Variants in FAAH2 observed in about 807,000 individuals in gnomAD.
The protein encoded by FAAH2 is fatty-acid amide hydrolase 2.
FAAH2 carries 60 observed loss-of-function variants against 36.9 expected under a neutral mutation model. That is an observed-to-expected ratio of 1.63 (90% CI 1.32 to 2.02). The LOEUF is 2.02. Among genes scored for constraint, FAAH2 ranks in the 30% most tolerant of loss-of-function variants. The pLI is 0.00. For synonymous variants in FAAH2, 214 were observed against 143.8 expected, an observed-to-expected ratio of 1.49 and a Z score of -3.49; for missense variants, 689 against 397.5, an observed-to-expected ratio of 1.73 and a Z score of -6.23.
At chrX:57,373,694 C>G (rs1021497730) in intron 5 of FAAH2, among the ~76,000 whole-genome samples, 1 of 111,471 alleles carries the variant, frequency 9.0e-6, no homozygotes, top group African/African-American at 3.3e-5. Context: ...TCTGCTGTTT[C>G]TTTTGCCATG....
chrX:57,446,970 C>T lies in FAAH2; in HGVS notation c.1159C>T (p.His387Tyr). The T allele has an allele frequency of 8.3e-7, 1 of 1,210,240 alleles. No homozygotes were observed. The highest frequency in any genetic ancestry group is 1.1e-6 in the Non-Finnish European group (1 of 894,795). Residue 387 changes from histidine to tyrosine, a missense_variant, in exon 9 of 11, where the codon CAT (histidine) becomes TAT (tyrosine). Coordinates refer to ENST00000374900, the MANE Select transcript of FAAH2 (RefSeq NM_174912.4). ...AGATTTGCTTGGTGACCATGGGAAA[C>T]ATGTCAGTCCTCTGTGGGAGTTGAT... ...FVDLLGDHGK[H>Y]VSPLWELIKW...
chrX:57,406,301 G>A (rs1387553832), intron 7 of FAAH2, among the ~76,000 whole-genome samples: 1 of 112,349 alleles, frequency 8.9e-6, no homozygotes, highest in Non-Finnish European at 1.9e-5. Flanking sequence ...TCTTCTGTGA[G>A]CTGGGAGTGC....
chrX:57,181,309 G>A, the FAAH2 span, among the ~76,000 whole-genome samples: 1 of 111,831 alleles, frequency 8.9e-6, no homozygotes, highest in Non-Finnish European at 1.9e-5. Context: ...ATTTCTGTTT[G>A]CAGACCACAT....
chrX:57,127,415 T>A, the FAAH2 span, among the ~76,000 whole-genome samples: 2 of 111,455 alleles, frequency 1.8e-5, no homozygotes, highest in Non-Finnish European at 3.8e-5. Context: ...ATAAATGCTG[T>A]CAGCAAAGTG....
chrX:57,254,188 T>C, the FAAH2 span, among the ~76,000 whole-genome samples: 1 of 110,861 alleles, frequency 9.0e-6, no homozygotes, highest in South Asian at 3.8e-4. Flanking sequence ...GGCCATTACA[T>C]AATGGTAAAG....
chrX:57,472,535 G>A, intron 10 of FAAH2, among the ~76,000 whole-genome samples: 1 of 111,590 alleles, frequency 9.0e-6, no homozygotes, highest in Middle Eastern at 4.6e-3. Flanking sequence ...TTTTGGAATA[G>A]CCTCAGTAGG....
At chrX:57,419,986 C>T (rs1179425680) in intron 7 of FAAH2, among the ~76,000 whole-genome samples, 1 of 111,558 alleles carries the variant, frequency 9.0e-6, no homozygotes, top group African/African-American at 3.3e-5. Flanking sequence ...ATCCTTTCCC[C>T]ATTTCTGGTT....
At chrX:57,261,856 AG>A in the FAAH2 span, among the ~76,000 whole-genome samples, 1 of 111,400 alleles carries the variant, frequency 9.0e-6, no homozygotes, top group Non-Finnish European at 1.9e-5. Context: ...GAAATAACAA[AG>A]GCTTAACTAA....
intron 7 of FAAH2, among the ~76,000 whole-genome samples, chrX:57,389,327 T>C (rs1295744578): frequency 9.6e-6 from 1 of 103,740 alleles, no homozygotes; most frequent in African/African-American, 3.5e-5. Flanking sequence ...ATATAATGAC[T>C]AATACAAATG....
chrX:57,289,257 A>T lies in FAAH2; in HGVS notation c.192+2240A>T, dbSNP rs1279055704. Among the ~76,000 whole-genome samples the T allele has an allele frequency of 2.7e-5, 3 of 111,451 alleles. No individual in the cohort carries two copies. The East Asian group carries it at 8.5e-4, about 32-fold the overall frequency. ...ACTTTATGGAAGAGTATGCTTCTTGATAACGAGCTCTGATTGAACAGTCAG... is the reference window on the plus strand; with the variant it reads ...ACTTTATGGAAGAGTATGCTTCTTGTTAACGAGCTCTGATTGAACAGTCAG... On this transcript the variant is annotated intron_variant, in intron 1 of 10. Coordinates refer to ENST00000374900, the MANE Select transcript of FAAH2 (RefSeq NM_174912.4).
At chrX:57,437,747 T>C (rs962408013) in intron 8 of FAAH2, among the ~76,000 whole-genome samples, 10 of 102,937 alleles carry the variant, frequency 9.7e-5, no homozygotes, top group Non-Finnish European at 1.6e-4. Flanking sequence ...ATATATTATT[T>C]ATATTTATAT....
the FAAH2 span, among the ~76,000 whole-genome samples, chrX:57,274,704 G>T: frequency 2.7e-5 from 3 of 111,138 alleles, no homozygotes; most frequent in Non-Finnish European, 5.7e-5. Flanking sequence ...AAAAATCAAT[G>T]CCTCTTCATG....
intron 8 of FAAH2, among the ~76,000 whole-genome samples, chrX:57,434,083 ATTTTTTTTTT>A (rs771256980): frequency 1.1e-5 from 1 of 94,121 alleles, no homozygotes; most frequent in Non-Finnish European, 2.1e-5. Context: ...AATTAAATTG[ATTTTTTTTTT>A]TTTTTTTTTG....
chrX:57,472,799 G>A (rs2057193751), intron 10 of FAAH2, among the ~76,000 whole-genome samples: 1 of 111,094 alleles, frequency 9.0e-6, no homozygotes, highest in African/African-American at 3.3e-5. Flanking sequence ...AGATTTTCTA[G>A]TTTGTGTGCA....
At chrX:57,405,109 C>G (rs1400576218) in intron 7 of FAAH2, among the ~76,000 whole-genome samples, 1 of 111,815 alleles carries the variant, frequency 8.9e-6, no homozygotes, top group African/African-American at 3.3e-5. Context: ...TGGTATTTTC[C>G]TCCAATTCTA....
At chrX:57,241,359 C>A in the FAAH2 span, among the ~76,000 whole-genome samples, 1 of 111,617 alleles carries the variant, frequency 9.0e-6, no homozygotes, top group African/African-American at 3.3e-5. Context: ...AAACAAACAG[C>A]CTATGGAAAG....
intron 8 of FAAH2, among the ~76,000 whole-genome samples, chrX:57,440,009 G>A (rs182798947): frequency 1.2e-3 from 132 of 111,601 alleles, no homozygotes; most frequent in East Asian, 8.2e-3. Context: ...CTGTAGCCTT[G>A]TAGTATAGTT....
intron 5 of FAAH2, among the ~76,000 whole-genome samples, chrX:57,353,254 G>C (rs1280944412): frequency 9.1e-6 from 1 of 109,580 alleles, no homozygotes; most frequent in Non-Finnish European, 1.9e-5. Context: ...CAGATGCATA[G>C]GTCAATGGTA....
intron 3 of FAAH2, among the ~76,000 whole-genome samples, chrX:57,322,067 C>T (rs1353120406): frequency 1.8e-5 from 2 of 109,111 alleles, no homozygotes; most frequent in Non-Finnish European, 1.9e-5. Flanking sequence ...GACGGAGTCT[C>T]GCTCAGCTCA....
Sources: allele counts gnomAD v4.1 joint callset (sites outside exome capture counted in the v4.1 genomes callset), GRCh38; gene constraint gnomAD v4.1.1; transcripts MANE v1.5; gene names NCBI Gene and HGNC (gene_info 2026-07-23, HGNC 2026-07-21).